COQ10A: variants seen among roughly 807,000 people sequenced by gnomAD.
COQ10A encodes coenzyme Q-binding protein COQ10 homolog A, mitochondrial.
Under a neutral mutation model 26.1 loss-of-function variants are expected in COQ10A, and 25 were observed. The observed-to-expected ratio is 0.96, with a 90% CI of 0.70 to 1.34. COQ10A has a LOEUF of 1.34. Among genes scored for constraint, COQ10A ranks in the 40% most tolerant of loss-of-function variants. COQ10A has a pLI of 0.00. For synonymous variants in COQ10A, 132 were observed against 124.0 expected, an observed-to-expected ratio of 1.06 and a Z score of -0.43; for missense variants, 312 against 335.4, an observed-to-expected ratio of 0.93 and a Z score of 0.54.
chr12:56,269,471 T>G lies in COQ10A; in HGVS notation c.486T>G (p.Thr162=). 7 of 1,613,952 alleles carry G rather than the reference T, an allele frequency of 4.3e-6. No individual in the cohort carries two copies. Among genetic ancestry groups the G allele is most frequent in the Non-Finnish European group, 5.9e-6 (7 of 1,179,762 alleles). The change falls in exon 4 of 5, where the codon ACT becomes ACG. Residue 162 remains threonine, a synonymous_variant. Transcript: ENST00000308197. ...TTACCCTATTCTAGGCTGTTTGTAC[T>G]GATGGCAAGCTCTTCAACCACTTAG... ...VKPHMVKAVC[T]DGKLFNHLET...
intron 4 of COQ10A, 122 bp from the exon 5 acceptor site, chr12:56,270,027 AC>A (rs1269402215): frequency 3.2e-6 from 3 of 945,392 alleles, no homozygotes; most frequent in Non-Finnish European, 4.9e-6. Context: ...TAGGGCTCTT[AC>A]GGGGATCCAC....
At chr12:56,268,166 T>C in intron 2 of COQ10A, 1 of 601,562 alleles carries the variant, frequency 1.7e-6, no homozygotes, top group Non-Finnish European at 2.9e-6. Flanking sequence ...AGGGTTGGAC[T>C]ATACTTTAAG....
chr12:56,269,932 G>A, intron 4 of COQ10A: 2 of 586,364 alleles, frequency 3.4e-6, no homozygotes, highest in Non-Finnish European at 6.0e-6. Context: ...GACCTGACAG[G>A]GTTATTCTTT....
In COQ10A at chr12:56,267,245, C is replaced by T; in HGVS notation, c.127C>T (p.Pro43Ser). 1 of 1,504,232 alleles carries T rather than the reference C, an allele frequency of 6.6e-7. No individual in the cohort carries two copies. Among genetic ancestry groups the T allele is most frequent in the South Asian group, 1.3e-5 (1 of 76,864 alleles). The allele number at this position is 1,504,232 out of a possible 1,614,324, so 93.2% of individuals were successfully genotyped here. Reference sequence around the variant, plus strand: ...CCCAGGCCCTCTGCCACCGCCGCGACCAATGAGGTGAGAGGGAGGTGACCG... The same window carrying T: ...CCCAGGCCCTCTGCCACCGCCGCGATCAATGAGGTGAGAGGGAGGTGACCG... Reference protein sequence around the residue: ...PPPGPLPPPRPMRFLTSCSLL... With the variant: ...PPPGPLPPPRSMRFLTSCSLL... The change falls in exon 1 of 5, where the codon CCA becomes TCA. Residue 43 changes from proline to serine, a missense_variant. Pro to Ser is a moderately conservative substitution (Grantham distance 74). Coordinates refer to ENST00000308197, the MANE Select transcript of COQ10A (RefSeq NM_144576.4).
Position 56,267,831 on chromosome 12 carries a change from G to C in COQ10A, c.172G>C (p.Ala58Pro), listed in dbSNP as rs1381177763. Residue 58 changes from alanine (A) to proline (P), a missense_variant, in exon 2 of 5, where the codon GCC becomes CCC. Ala to Pro is a conservative substitution (Grantham distance 27, BLOSUM62 -1). Coordinates refer to ENST00000308197, the MANE Select transcript of COQ10A (RefSeq NM_144576.4). ...TSCSLLLPRA[A>P]QILAAEAGLP... ...CTGCAGCCTCCTCTTGCCTCGGGCT[G>C]CCCAGATCTTGGCGGCTGAGGCTGG... is the stretch of plus-strand genomic sequence containing the variant. 6.2e-7 allele frequency: 1 copy of C among 1,614,054 alleles called. No individual in the cohort carries two copies. The highest frequency in any genetic ancestry group is 8.5e-7 in the Non-Finnish European group (1 of 1,180,036).
Position 56,267,076 on chromosome 12 carries a change from G to A in COQ10A, c.-43G>A. ...GCTCCGCCTTTGGAGTGAGGAGGGC[G>A]CAGCCCGCGTCAGAACTTAGAGGGC... On this transcript the variant is annotated 5_prime_UTR_variant, in exon 1 of 5. Coordinates refer to ENST00000308197, the MANE Select transcript of COQ10A (RefSeq NM_144576.4). 7.9e-7 allele frequency: 1 copy of A among 1,258,628 alleles called. No homozygotes were observed. The highest frequency in any genetic ancestry group is 2.7e-5 in the South Asian group (1 of 36,518). 78.0% of individuals were successfully genotyped at this position (1,258,628 alleles called of 1,614,324 possible).
chr12:56,267,631 G>T, intron 1 of COQ10A, 163 bp from the exon 2 acceptor site: 1 of 1,202,392 alleles, frequency 8.3e-7, no homozygotes, highest in Non-Finnish European at 1.2e-6. Flanking sequence ...TTTTGCACTC[G>T]TGACTCCCTG....
At chr12:56,269,433 T>C in intron 3 of COQ10A, 27 bp from the exon 4 acceptor site, 1 of 1,564,900 alleles carries the variant, frequency 6.4e-7, no homozygotes, top group Non-Finnish European at 8.8e-7. Context: ...AGTAATGTTA[T>C]TTAACTACCT....
intron 1 of COQ10A, 192 bp downstream of exon 1, chr12:56,267,444 A>C (rs1275348997): frequency 6.2e-7 from 1 of 1,613,920 alleles, no homozygotes; most frequent in Non-Finnish European, 8.5e-7. Context: ...GTGAGTGTCC[A>C]ACCTCTTCTT....
Position 56,268,317 on chromosome 12 carries a change from A to C in COQ10A, c.281+377A>C, listed in dbSNP as rs575780946. The C allele has an allele frequency of 1.2e-4, 24 of 202,580 alleles. 1 individual carries two copies. The South Asian group carries it at 1.2e-3, about 10-fold the overall frequency. The allele number at this position is 202,580 out of a possible 1,614,324, so 12.5% of individuals were successfully genotyped here. A position where few individuals can be genotyped will look rare whatever the true frequency, so the allele number is the denominator to read the frequency against. ...GAAACCCTGTCTCCACTAAAAAAAAACACACACACAAGAATCAGCCTGGCA... is the reference window on the plus strand; with the variant it reads ...GAAACCCTGTCTCCACTAAAAAAAACCACACACACAAGAATCAGCCTGGCA... On this transcript the variant is annotated intron_variant, in intron 2 of 4. Coordinates refer to ENST00000308197, the MANE Select transcript of COQ10A (RefSeq NM_144576.4).
At position 56,267,844 on chromosome 12, in the gene COQ10A, C is replaced by A; in HGVS notation, c.185C>A (p.Ala62Glu). Residue 62 changes from alanine (A) to glutamate (E), a missense_variant, in exon 2 of 5, where the codon GCG becomes GAG. Coordinates refer to ENST00000308197, the MANE Select transcript of COQ10A (RefSeq NM_144576.4). ...TTGCCTCGGGCTGCCCAGATCTTGG[C>A]GGCTGAGGCTGGCTTACCTTCGAGC... ...LLLPRAAQIL[A>E]AEAGLPSSRS... 6.2e-7 allele frequency: 1 copy of A among 1,614,186 alleles called. No homozygotes were observed. The highest frequency in any genetic ancestry group is 8.5e-7 in the Non-Finnish European group (1 of 1,180,038).
chr12:56,270,148 A>C lies in COQ10A; in HGVS notation c.577-2A>C, dbSNP rs1211218700. 6.2e-7 allele frequency: 1 copy of C among 1,613,414 alleles called. No individual in the cohort carries two copies. Among genetic ancestry groups the C allele is most frequent in the Non-Finnish European group, 8.5e-7 (1 of 1,179,464 alleles). ...TTCTGACTGTCTCTTACCCATTCCC[A>C]GATTTCCTTTGAATTTCGTTCTCTG... On this transcript the variant is annotated splice_acceptor_variant, in intron 4 of 4. Transcript: ENST00000308197. LOFTEE classifies it high-confidence loss of function.
chr12:56,269,054 C>G lies in COQ10A; in HGVS notation c.282-5C>G. The G allele has an allele frequency of 1.9e-6, 3 of 1,612,734 alleles. No individual in the cohort carries two copies. The African/African-American group carries it at 4.0e-5, about 22-fold the overall frequency. On this transcript the variant is annotated splice_polypyrimidine_tract_variant and splice_region_variant and intron_variant, in intron 2 of 4. Transcript: ENST00000308197. Reference sequence around the variant, plus strand: ...CTCCTTGGCCTGTGATTCTTCTTCTCCTAGGTACTCAATGCAGGAGATGTA... The same window carrying G: ...CTCCTTGGCCTGTGATTCTTCTTCTGCTAGGTACTCAATGCAGGAGATGTA...
intron 1 of COQ10A, 197 bp downstream of exon 1, chr12:56,267,449 C>CT (rs777798652): frequency 1.9e-6 from 3 of 1,613,760 alleles, no homozygotes; most frequent in African/African-American, 2.7e-5. Flanking sequence ...TGTCCAACCT[C>CT]TTCTTGGCCC....
chr12:56,268,640 A>G (rs1160346271), intron 2 of COQ10A: 1 of 168,798 alleles, frequency 5.9e-6, no homozygotes, highest in African/African-American at 2.4e-5. Context: ...AGCTTGACTT[A>G]GATGTTTTAC....
Position 56,267,160 on chromosome 12 carries a change from C to T in COQ10A, c.42C>T (p.Arg14=). The T allele has an allele frequency of 7.5e-7, 1 of 1,340,334 alleles. No homozygotes were observed. The highest frequency in any genetic ancestry group is 9.5e-7 in the Non-Finnish European group (1 of 1,052,188). The allele number at this position is 1,340,334 out of a possible 1,614,324, so 83.0% of individuals were successfully genotyped here. A position where few individuals can be genotyped will look rare whatever the true frequency, so the allele number is the denominator to read the frequency against. The change falls in exon 1 of 5, where the codon CGC becomes CGT. Residue 14 remains arginine, a synonymous_variant. Transcript: ENST00000308197. ...CGCGGCGGGTCCCAGCTGGGACGCG[C>T]GCGGCAGCCGAGCGCTGCTGCCGGC... ...AGSRRVPAGT[R]AAAERCCRLS...
intron 4 of COQ10A, 67 bp from the exon 5 acceptor site, chr12:56,270,083 C>T (rs918639367): frequency 1.1e-5 from 16 of 1,504,718 alleles, no homozygotes; most frequent in Non-Finnish European, 1.5e-5. Flanking sequence ...GAACAGTTTC[C>T]TTGCATTTGG....
chr12:56,268,962 G>C (rs1872427078), intron 2 of COQ10A, 97 bp from the exon 3 acceptor site: 1 of 905,870 alleles, frequency 1.1e-6, no homozygotes, highest in Non-Finnish European at 1.8e-6. Flanking sequence ...TCCTGAAGGT[G>C]CGTGGTTAGT....
chr12:56,266,961 G>T lies in COQ10A; in HGVS notation c.-158G>T. On this transcript the variant is annotated 5_prime_UTR_variant, in exon 1 of 5. Transcript: ENST00000308197. ...GGCTTCAGTTCTAGCCTACCCGGCA[G>T]CCTGGACGGGAGCAAGGCGAGAGGT... The T allele has an allele frequency of 1.4e-6, 1 of 700,166 alleles. No homozygotes were observed. Among genetic ancestry groups the T allele is most frequent in the Non-Finnish European group, 1.9e-6 (1 of 515,762 alleles). The allele number at this position is 700,166 out of a possible 1,614,324, so 43.4% of individuals were successfully genotyped here. A position where few individuals can be genotyped will look rare whatever the true frequency, so the allele number is the denominator to read the frequency against.
Sources: allele counts gnomAD v4.1 joint callset, GRCh38; gene constraint gnomAD v4.1.1; transcripts MANE v1.5; gene names NCBI Gene and HGNC (gene_info 2026-07-23, HGNC 2026-07-21).